The following IL18R1 variants were observed in gnomAD, a reference collection of about 807,000 sequenced individuals.
IL18R1 encodes interleukin-18 receptor 1.
In IL18R1, 40 loss-of-function variants were observed where a neutral mutation model predicts 48.5. That is an observed-to-expected ratio of 0.82 (90% CI 0.64 to 1.07). IL18R1 has a LOEUF of 1.07. IL18R1 is among the 50% of genes least tolerant of loss of function. IL18R1 has a pLI of 0.00. For missense variants in IL18R1, 596 were observed against 633.7 expected (o/e 0.94, Z 0.64); for synonymous variants, 232 against 225.9 (o/e 1.03, Z -0.24).
chr2:102,377,199 T>G (rs890935386), intron 5 of IL18R1, among the ~76,000 whole-genome samples: 1 of 152,252 alleles, frequency 6.6e-6, no homozygotes, highest in East Asian at 1.9e-4. Context: ...TACACCCACA[T>G]GTTGCCACAG....
rs772981135 is a variant in IL18R1 at position 102,381,722 on chromosome 2, G to A, written c.688+40G>A. 4 of 1,361,766 alleles carry A rather than the reference G, an allele frequency of 2.9e-6. No homozygotes were observed. The South Asian group carries it at 4.7e-5, about 16-fold the overall frequency. The allele number at this position is 1,361,766 out of a possible 1,614,324, so 84.4% of individuals were successfully genotyped here. The stretch of plus-strand genomic sequence containing the variant: ...ACATATATTCTGCATTTATAAGTAG[G>A]GGACATAATAGAGCCTTCCAAGCGT... On this transcript the variant is annotated intron_variant, in intron 6 of 10. Transcript: ENST00000233957.
rs1678651149 is a variant in IL18R1 at position 102,362,731 on chromosome 2, A to G, written c.58+13A>G. ...GTAAGCACTGCAGGTAAGTGATTATACATACTCTCAAACATATTTCATGAG... is the reference window on the plus strand; with the variant it reads ...GTAAGCACTGCAGGTAAGTGATTATGCATACTCTCAAACATATTTCATGAG... On this transcript the variant is annotated intron_variant, in intron 2 of 10. Coordinates refer to ENST00000233957, the MANE Select transcript of IL18R1 (RefSeq NM_003855.5). 2 of 1,498,252 alleles carry G rather than the reference A, an allele frequency of 1.3e-6. No individual in the cohort carries two copies. Among genetic ancestry groups the G allele is most frequent in the Non-Finnish European group, 1.8e-6 (2 of 1,088,120 alleles). 92.8% of individuals were successfully genotyped at this position (1,498,252 alleles called of 1,614,324 possible).
chr2:102,394,337 A>C, intron 9 of IL18R1, 132 bp from the exon 10 acceptor site: 2 of 626,780 alleles, frequency 3.2e-6, no homozygotes, highest in Admixed American at 3.2e-5. Flanking sequence ...GGGAGGTTTA[A>C]ATATAAACAA....
Position 102,367,845 on chromosome 2 carries a change from C to T in IL18R1, c.79C>T (p.His27Tyr). The T allele has an allele frequency of 6.2e-7, 1 of 1,613,528 alleles. No homozygotes were observed. The highest frequency in any genetic ancestry group is 8.5e-7 in the Non-Finnish European group (1 of 1,179,558). ...STAESCTSRP[H>Y]ITVVEGEPFY... is the part of the protein sequence containing the mutation. ...TGAAGAATCTTGTACTTCACGTCCC[C>T]ACATTACTGTGGTTGAAGGGGAACC... The change falls in exon 3 of 11, where the codon CAC becomes TAC. Residue 27 changes from histidine to tyrosine, a missense_variant. Coordinates refer to ENST00000233957, the MANE Select transcript of IL18R1 (RefSeq NM_003855.5).
At chr2:102,366,664 A>C (rs1187469953) in intron 2 of IL18R1, among the ~76,000 whole-genome samples, 1 of 152,174 alleles carries the variant, frequency 6.6e-6, no homozygotes, top group African/African-American at 2.4e-5. Flanking sequence ...TATATAAAGG[A>C]GAAAGATTTA....
At chr2:102,395,102 G>A (rs1197992011) in intron 10 of IL18R1, among the ~76,000 whole-genome samples, 1 of 152,040 alleles carries the variant, frequency 6.6e-6, no homozygotes, top group Non-Finnish European at 1.5e-5. Flanking sequence ...CGAAATTTAA[G>A]TAGAAAATAG....
chr2:102,367,921 C>A lies in IL18R1; in HGVS notation c.155C>A (p.Thr52Asn), dbSNP rs1559619837. Residue 52 changes from threonine to asparagine, a missense_variant, in exon 3 of 11, where the codon ACC (threonine) becomes AAC (asparagine). Physicochemically the swap from Thr to Asn is moderately conservative, Grantham distance 65. This residue lies in a region of IL18R1 where 360 missense variants were observed against 339.4 expected (regional missense o/e 1.06). Coordinates refer to ENST00000233957, the MANE Select transcript of IL18R1 (RefSeq NM_003855.5). ...SCSLAHEIET[T>N]TKSWYKSSGS... ...TCACTTGCACATGAGATTGAAACAA[C>A]CACCAAAAGCTGGTACAAAAGCAGT... 6.2e-7 allele frequency: 1 copy of A among 1,614,060 alleles called. No individual in the cohort carries two copies. The highest frequency in any genetic ancestry group is 8.5e-7 in the Non-Finnish European group (1 of 1,180,032).
At chr2:102,360,288 G>C (rs1304756057) in intron 1 of IL18R1, among the ~76,000 whole-genome samples, 4 of 152,162 alleles carry the variant, frequency 2.6e-5, no homozygotes, top group African/African-American at 9.7e-5. Context: ...TTTTGAGAAG[G>C]AGTCTTGCTC....
intron 1 of IL18R1, among the ~76,000 whole-genome samples, chr2:102,357,452 C>A (rs1678316099): frequency 6.6e-6 from 1 of 150,592 alleles, no homozygotes; most frequent in Admixed American, 6.6e-5. Context: ...GATTGTGCCA[C>A]TGCACTCCAG....
intron 7 of IL18R1, among the ~76,000 whole-genome samples, chr2:102,386,141 A>T (rs1323566312): frequency 2.0e-5 from 3 of 152,160 alleles, no homozygotes; most frequent in Non-Finnish European, 4.4e-5. Context: ...GGTCCTAGAT[A>T]TCCCTGTTGC....
chr2:102,360,287 G>A (rs1356350517), intron 1 of IL18R1, among the ~76,000 whole-genome samples: 1 of 152,176 alleles, frequency 6.6e-6, no homozygotes, highest in Non-Finnish European at 1.5e-5. Flanking sequence ...TTTTTGAGAA[G>A]GAGTCTTGCT....
intron 4 of IL18R1, among the ~76,000 whole-genome samples, chr2:102,374,647 A>G (rs1480270757): frequency 6.6e-6 from 1 of 152,100 alleles, no homozygotes; most frequent in Admixed American, 6.5e-5. Flanking sequence ...GTGTGGTGGC[A>G]CATGCCTGTA....
intron 5 of IL18R1, among the ~76,000 whole-genome samples, chr2:102,378,038 C>A (rs1324768420): frequency 6.6e-6 from 1 of 152,234 alleles, no homozygotes; most frequent in Non-Finnish European, 1.5e-5. Context: ...TTTCCTACAT[C>A]TATTTTTAAT....
At chr2:102,365,270 C>A (rs914252936) in intron 2 of IL18R1, among the ~76,000 whole-genome samples, 17 of 152,170 alleles carry the variant, frequency 1.1e-4, no homozygotes, top group Non-Finnish European at 7.3e-5. Flanking sequence ...AGTAAATACA[C>A]CCCTTCCAAA....
chr2:102,383,696 G>A (rs1680048337), intron 6 of IL18R1, among the ~76,000 whole-genome samples: 1 of 151,792 alleles, frequency 6.6e-6, no homozygotes, highest in East Asian at 1.9e-4. Flanking sequence ...TAAACTGCAT[G>A]TATTTGGGTC....
At chr2:102,371,601 A>T (rs1357773986) in intron 3 of IL18R1, among the ~76,000 whole-genome samples, 1 of 152,104 alleles carries the variant, frequency 6.6e-6, no homozygotes, top group Non-Finnish European at 1.5e-5. Context: ...CTGGGCCAAG[A>T]CTCTCTGAAC....
intron 3 of IL18R1, among the ~76,000 whole-genome samples, chr2:102,368,989 T>G (rs1679079314): frequency 6.6e-6 from 1 of 152,204 alleles, no homozygotes; most frequent in African/African-American, 2.4e-5. Flanking sequence ...CAGGTCATTT[T>G]TGTTTGTTTT....
In IL18R1 at chr2:102,375,922, C is replaced by G; in HGVS notation, c.484C>G (p.Leu162Val). 6.3e-7 allele frequency: 1 copy of G among 1,586,392 alleles called. No homozygotes were observed. Among genetic ancestry groups the G allele is most frequent in the Non-Finnish European group, 8.5e-7 (1 of 1,170,852 alleles). Residue 162 changes from leucine to valine, a missense_variant, in exon 5 of 11, where the codon CTA (leucine) becomes GTA (valine). Leu to Val is a conservative substitution (Grantham distance 32). Transcript: ENST00000233957. ...TSLYKNCKKL[L>V]LENNKNPTIK... ...TTAAAAACAGAACTGTAAAAAGCTA[C>G]TACTGGAGAACAATAAAAACCCAAC...
chr2:102,386,740 C>A, intron 7 of IL18R1, 121 bp from the exon 8 acceptor site: 1 of 1,000,094 alleles, frequency 1.0e-6, no homozygotes, highest in Non-Finnish European at 1.5e-6. Flanking sequence ...GAGTACTGGC[C>A]AGAAAGGGAA....
Sources: gnomAD v4.1 joint callset for allele counts (sites outside exome capture counted in the v4.1 genomes callset) on GRCh38, gnomAD v4.1.1 for gene constraint, gnomAD v4.1.1 regional missense constraint, MANE v1.5 for transcripts, NCBI Gene and HGNC (gene_info 2026-07-23, HGNC 2026-07-21) for gene names.